Variants in FRY observed in about 807,000 individuals in gnomAD.
The protein encoded by FRY is FRY microtubule binding protein.
In FRY, 128 loss-of-function variants were observed where a neutral mutation model predicts 348.4. That is an observed-to-expected ratio of 0.37 (90% CI 0.32 to 0.43). The LOEUF (loss-of-function observed/expected upper bound fraction) is 0.43. FRY is among the 20% of genes least tolerant of loss of function. FRY has a pLI of 1.00. For synonymous variants in FRY, 1,370 were observed against 1,374.7 expected (o/e 1.00, Z 0.08); for missense variants, 2,736 against 3,695.2 (o/e 0.74, Z 6.73).
At chr13:32,179,439 TA>T (rs570799289) in intron 22 of FRY, among the ~76,000 whole-genome samples, 1,569 of 151,802 alleles carry the variant, frequency 0.01, 24 homozygotes, top group African/African-American at 0.035. Flanking sequence ...AAGACCGTTA[TA>T]AAAAAAATTT....
At chr13:32,258,399 G>A (rs1225551247) in intron 51 of FRY, among the ~76,000 whole-genome samples, 2 of 152,126 alleles carry the variant, frequency 1.3e-5, no homozygotes, top group Non-Finnish European at 2.9e-5. Context: ...GATCACTTGA[G>A]GCCAGGAGTT....
chr13:32,197,556 A>C (rs1406732673), intron 29 of FRY, among the ~76,000 whole-genome samples: 1 of 152,194 alleles, frequency 6.6e-6, no homozygotes, highest in Admixed American at 6.6e-5. Flanking sequence ...TTCTTGAACA[A>C]GTTACTGCAG....
At chr13:32,184,514 T>C (rs978730478) in intron 24 of FRY, 86 bp from the exon 25 acceptor site, 57 of 799,534 alleles carry the variant, frequency 7.1e-5, no homozygotes, top group Middle Eastern at 4.5e-4. Flanking sequence ...ATGACTAGAT[T>C]ATGCCTTTTG....
chr13:32,241,644 A>G (rs1320379967), intron 46 of FRY, among the ~76,000 whole-genome samples: 2 of 152,216 alleles, frequency 1.3e-5, no homozygotes, highest in Non-Finnish European at 2.9e-5. Flanking sequence ...TGAAGATTTT[A>G]TTAGCCAAGC....
At chr13:32,292,636 C>CA (rs1889430822) in intron 59 of FRY, among the ~76,000 whole-genome samples, 2 of 151,596 alleles carry the variant, frequency 1.3e-5, no homozygotes, top group African/African-American at 2.4e-5. Flanking sequence ...TACTAAAATA[C>CA]AAAAAACTAG....
rs184148360 is a variant in FRY, at chr13:32,216,112, A to G, written c.4683-2637A>G. Among the ~76,000 whole-genome samples, 5 of 152,326 alleles carry G rather than the reference A, an allele frequency of 3.3e-5. No homozygotes were observed. In the East Asian group the frequency reaches 9.6e-4, roughly 29 times the overall value. ...AATCAACAAGGTAAAACTGAGGGGA[A>G]CATTTCATCCTTCTAATTTTTCTCT... is the stretch of plus-strand genomic sequence containing the variant. On this transcript the variant is annotated intron_variant, in intron 35 of 60. Transcript: ENST00000542859.
Position 32,263,985 on chromosome 13 carries a change from C to T in FRY, c.7780-1465C>T, listed in dbSNP as rs541591942. Among the ~76,000 whole-genome samples, 7 of 152,006 alleles carry T rather than the reference C, an allele frequency of 4.6e-5. No homozygotes were observed. In the South Asian group the frequency reaches 1.2e-3, roughly 27 times the overall value. ...TCGCACCACTGCACTCCAGCCTGGG[C>T]GACAGAGCGAGACTCCATCTCGAAA... On this transcript the variant is annotated intron_variant, in intron 53 of 60. Coordinates refer to ENST00000542859, the MANE Select transcript of FRY (RefSeq NM_023037.3).
chr13:32,241,571 A>G (rs756061589), intron 46 of FRY, among the ~76,000 whole-genome samples: 1 of 152,190 alleles, frequency 6.6e-6, no homozygotes, highest in Non-Finnish European at 1.5e-5. Flanking sequence ...TTCTGGAGGT[A>G]GATAGTGGTG....
intron 2 of FRY, 126 bp from the exon 3 acceptor site, chr13:32,101,837 A>T: frequency 1.5e-6 from 1 of 649,614 alleles, no homozygotes. Context: ...CTCATTTAAA[A>T]ATTGGTGCCT....
chr13:32,239,245 A>C lies in FRY; in HGVS notation c.6419-7A>C. On this transcript the variant is annotated splice_region_variant and splice_polypyrimidine_tract_variant and intron_variant, in intron 44 of 60. Transcript: ENST00000542859. The surrounding 1 kb of genome is among the most constrained non-coding windows in gnomAD (Gnocchi z 4.3). ...CAGCTATCTCCATTGTATCTTCTCT[A>C]ATCCAGGGTTTCCACTGAATGTCTT... is the stretch of plus-strand genomic sequence containing the variant. The C allele has an allele frequency of 6.5e-7, 1 of 1,540,308 alleles. No individual in the cohort carries two copies. The highest frequency in any genetic ancestry group is 9.0e-7 in the Non-Finnish European group (1 of 1,112,852).
chr13:32,057,914 C>A (rs916897519), intron 1 of FRY, among the ~76,000 whole-genome samples: 7 of 152,002 alleles, frequency 4.6e-5, no homozygotes, highest in Non-Finnish European at 1.0e-4. Flanking sequence ...GAGCCAAGAT[C>A]GCGCCACTAT....
At chr13:32,115,552 A>T (rs561129338) in intron 3 of FRY, among the ~76,000 whole-genome samples, 1 of 152,082 alleles carries the variant, frequency 6.6e-6, no homozygotes, top group South Asian at 2.1e-4. Context: ...ATGTTCCTTC[A>T]CTCTGGCAAA....
intron 2 of FRY, among the ~76,000 whole-genome samples, chr13:32,081,928 G>C (rs182401211): frequency 2.1e-4 from 32 of 152,224 alleles, no homozygotes; most frequent in African/African-American, 7.2e-4. Context: ...CAAAGACATT[G>C]AATGCTTTAA....
chr13:32,185,684 T>C (rs1484746746), intron 26 of FRY, among the ~76,000 whole-genome samples: 1 of 152,220 alleles, frequency 6.6e-6, no homozygotes, highest in East Asian at 1.9e-4. Context: ...ATAAAATATC[T>C]GGTTAGTTTG....
At chr13:32,151,480 A>C (rs1326955236) in intron 14 of FRY, among the ~76,000 whole-genome samples, 1 of 152,272 alleles carries the variant, frequency 6.6e-6, no homozygotes, top group Non-Finnish European at 1.5e-5. Flanking sequence ...CAGATGTCAT[A>C]CACTTGATGA....
chr13:32,123,394 T>A (rs1039979464), intron 4 of FRY, among the ~76,000 whole-genome samples: 3 of 152,206 alleles, frequency 2.0e-5, no homozygotes, highest in African/African-American at 7.2e-5. Flanking sequence ...CCTTTTACTC[T>A]TCTCTCTCAC....
chr13:32,089,777 GAA>G, intron 2 of FRY, among the ~76,000 whole-genome samples: 1 of 91,072 alleles, frequency 1.1e-5, no homozygotes, highest in African/African-American at 6.7e-5. Context: ...AAGAAAAAAA[GAA>G]GAAGGAATGT....
intron 57 of FRY, among the ~76,000 whole-genome samples, chr13:32,276,958 G>A (rs559118413): frequency 6.6e-6 from 1 of 152,298 alleles, no homozygotes; most frequent in Admixed American, 6.5e-5. Flanking sequence ...CTTGGAGGCT[G>A]CGTCTGCCAG....
chr13:32,278,570 G>A (rs780323600), intron 58 of FRY, 22 bp downstream of exon 58: 2 of 1,224,802 alleles, frequency 1.6e-6, no homozygotes, highest in Admixed American at 3.4e-5. Flanking sequence ...CTGTTAGAAT[G>A]GGTCTCTTGT....
Sources: allele counts gnomAD v4.1 joint callset (sites outside exome capture counted in the v4.1 genomes callset), GRCh38; gene constraint gnomAD v4.1.1; non-coding constraint Gnocchi (gnomAD v3.1); transcripts MANE v1.5; gene names NCBI Gene and HGNC (gene_info 2026-07-23, HGNC 2026-07-21).